The following ST18 variants were observed in gnomAD, a reference collection of about 807,000 sequenced individuals.
ST18 encodes suppression of tumorigenicity 18 protein.
ST18 carries 50 observed loss-of-function variants against 110.0 expected under a neutral mutation model. The ratio of observed to expected loss-of-function variants is 0.45; its 90% confidence interval spans 0.36 to 0.58. ST18 has a LOEUF of 0.58. ST18 is among the 20% of genes least tolerant of loss of function. The pLI is 0.00. For synonymous variants in ST18, 461 were observed against 452.4 expected, an observed-to-expected ratio of 1.02 and a Z score of -0.24; for missense variants, 1,306 against 1,280.1, an observed-to-expected ratio of 1.02 and a Z score of -0.31.
At chr8:52,155,149 T>C (rs1190769318) in intron 15 of ST18, among the ~76,000 whole-genome samples, 1 of 148,900 alleles carries the variant, frequency 6.7e-6, no homozygotes, top group Non-Finnish European at 1.5e-5. Context: ...TTGCAGTGAG[T>C]GAAGATAACA....
intron 9 of ST18, among the ~76,000 whole-genome samples, chr8:52,175,397 C>A (rs2066531062): frequency 1.3e-5 from 2 of 152,180 alleles, no homozygotes; most frequent in Non-Finnish European, 2.9e-5. Flanking sequence ...TTCATCCCCA[C>A]TCCCAGCACA....
chr8:52,210,673 AAAAT>A (rs1315926070), intron 8 of ST18, among the ~76,000 whole-genome samples: 4 of 152,166 alleles, frequency 2.6e-5, no homozygotes, highest in African/African-American at 9.7e-5. Context: ...ATGTCTCAAA[AAAAT>A]AAATAAATAA....
chr8:52,174,090 G>A (rs1049190597), intron 9 of ST18, among the ~76,000 whole-genome samples: 1 of 152,130 alleles, frequency 6.6e-6, no homozygotes. Flanking sequence ...TGTAAATAAT[G>A]CTGATTATAG....
At chr8:52,389,655 C>T (rs1413585308) in intron 2 of ST18, among the ~76,000 whole-genome samples, 1 of 152,192 alleles carries the variant, frequency 6.6e-6, no homozygotes, top group East Asian at 1.9e-4. Flanking sequence ...GAGCCCGCAC[C>T]TCTCCCACTC....
Position 52,187,504 on chromosome 8 carries a change from G to A in ST18, c.87-7192C>T, listed in dbSNP as rs150159682. ...CAGTGAGTGAACACAGCCAATGATG[G>A]AAGAATATAAAAAGCTTTCCAAATT... On this transcript the variant is annotated intron_variant, in intron 8 of 25. Transcript: ENST00000689386. 4.5e-3 allele frequency among the ~76,000 whole-genome samples: 692 copies of A among 152,282 alleles called. 5 individuals carry two copies. Among genetic ancestry groups the A allele is most frequent in the African/African-American group, 0.016 (654 of 41,546 alleles).
In ST18 at chr8:52,161,442, G is replaced by A. The variant is rs199722966; in HGVS notation, c.1527C>T (p.Ala509=). ...KVPFDYASFD[A]QVFGKRPLIQ... ...TGAGAGGGCGTTTACCGAAAACTTG[G>A]GCATCAAAACTGGCATAATCAAATG... The change falls in exon 14 of 26, where the codon GCC becomes GCT. Residue 509 remains alanine (A), a synonymous_variant. Coordinates refer to ENST00000689386, the MANE Select transcript of ST18 (RefSeq NM_001352837.2). The A allele has an allele frequency of 2.1e-5, 34 of 1,614,106 alleles. No homozygotes were observed. In the Admixed American group the frequency reaches 4.0e-4, roughly 19 times the overall value.
chr8:52,382,746 T>C (rs1208520974), intron 2 of ST18, among the ~76,000 whole-genome samples: 2 of 151,026 alleles, frequency 1.3e-5, no homozygotes, highest in African/African-American at 2.5e-5. Context: ...AGGAAGTTCA[T>C]TTACAATTTT....
At chr8:52,367,435 T>C (rs1021125483) in intron 2 of ST18, among the ~76,000 whole-genome samples, 3 of 151,808 alleles carry the variant, frequency 2.0e-5, no homozygotes, top group African/African-American at 7.3e-5. Context: ...AAAATAAAAC[T>C]TAAAAATTAA....
At chr8:52,274,628 C>T (rs1006157122) in intron 2 of ST18, among the ~76,000 whole-genome samples, 4 of 151,534 alleles carry the variant, frequency 2.6e-5, no homozygotes, top group African/African-American at 7.3e-5. Flanking sequence ...TTCTTCAACA[C>T]CTTAATTCAT....
intron 22 of ST18, among the ~76,000 whole-genome samples, chr8:52,129,032 A>G (rs1263947757): frequency 2.0e-5 from 3 of 150,780 alleles, no homozygotes; most frequent in Non-Finnish European, 4.4e-5. Flanking sequence ...TGTGAGTTAT[A>G]TTCCAAGTCA....
chr8:52,394,198 C>G (rs190556308), intron 2 of ST18, among the ~76,000 whole-genome samples: 1 of 152,306 alleles, frequency 6.6e-6, no homozygotes, highest in East Asian at 1.9e-4. Context: ...AGTTGTCACA[C>G]GTGAACCCTA....
At chr8:52,365,489 T>C (rs1346155215) in intron 2 of ST18, among the ~76,000 whole-genome samples, 1 of 151,950 alleles carries the variant, frequency 6.6e-6, no homozygotes, top group African/African-American at 2.4e-5. Flanking sequence ...GAGGTGTTCC[T>C]GAAAAAAAGA....
chr8:52,217,964 T>C (rs1006187917), intron 5 of ST18, 63 bp from the exon 6 acceptor site: 1 of 152,188 alleles, frequency 6.6e-6, no homozygotes, highest in East Asian at 1.9e-4. Context: ...TCAGTTTTGC[T>C]TTCATTCACA....
At chr8:52,256,520 G>A (rs138121790) in intron 2 of ST18, among the ~76,000 whole-genome samples, 18 of 152,202 alleles carry the variant, frequency 1.2e-4, no homozygotes, top group East Asian at 1.9e-4. Context: ...GAGTCAGTGC[G>A]CTCCGTCATC....
chr8:52,271,352 C>G (rs973999912), intron 2 of ST18, among the ~76,000 whole-genome samples: 3 of 152,186 alleles, frequency 2.0e-5, no homozygotes, highest in Non-Finnish European at 4.4e-5. Flanking sequence ...TTTCCATTCT[C>G]TTTCCAATAG....
At chr8:52,177,620 A>G (rs2067435036) in intron 9 of ST18, among the ~76,000 whole-genome samples, 1 of 152,236 alleles carries the variant, frequency 6.6e-6, no homozygotes, top group African/African-American at 2.4e-5. Context: ...CCATTACTGG[A>G]AACTGTGACT....
At chr8:52,272,248 C>A (rs1326283312) in intron 2 of ST18, among the ~76,000 whole-genome samples, 1 of 152,076 alleles carries the variant, frequency 6.6e-6, no homozygotes, top group Non-Finnish European at 1.5e-5. Context: ...GGAAAGGGAA[C>A]AATCAACAGA....
Position 52,139,071 on chromosome 8 carries a change from A to G in ST18, c.2169-1588T>C, listed in dbSNP as rs185503230. Reference sequence around the variant, plus strand: ...GCTAAGTCATCTATCTCCTTTCCCCATCCCTTTTCCTGGATAAGATAACAG... The same window carrying G: ...GCTAAGTCATCTATCTCCTTTCCCCGTCCCTTTTCCTGGATAAGATAACAG... On this transcript the variant is annotated intron_variant, in intron 17 of 25. Transcript: ENST00000689386. 6.2e-4 allele frequency among the ~76,000 whole-genome samples: 94 copies of G among 151,926 alleles called. 1 individual carries two copies. The East Asian group carries it at 0.011, about 17-fold the overall frequency.
At chr8:52,269,140 G>T (rs1045440888) in intron 2 of ST18, among the ~76,000 whole-genome samples, 2 of 152,206 alleles carry the variant, frequency 1.3e-5, no homozygotes, top group Admixed American at 6.5e-5. Flanking sequence ...TTCTATCAAA[G>T]ATGTAGGCCA....
Sources: allele counts gnomAD v4.1 joint callset (sites outside exome capture counted in the v4.1 genomes callset), GRCh38; gene constraint gnomAD v4.1.1; transcripts MANE v1.5; gene names NCBI Gene and HGNC (gene_info 2026-07-23, HGNC 2026-07-21).